Variants in LRRC37A2 observed in about 807,000 individuals in gnomAD.
LRRC37A2 encodes the protein leucine-rich repeat-containing protein 37A2.
In LRRC37A2, 9 loss-of-function variants were observed where a neutral mutation model predicts 68.8. That is an observed-to-expected ratio of 0.13 (90% CI 0.08 to 0.23). The LOEUF (loss-of-function observed/expected upper bound fraction) is 0.23. Ranked by LOEUF, LRRC37A2 falls within the 10% of genes least tolerant of loss-of-function variation. LRRC37A2 has a pLI of 1.00. For synonymous variants in LRRC37A2, 63 were observed against 367.6 expected (o/e 0.17, Z 9.48); for missense variants, 168 against 950.4 (o/e 0.18, Z 10.82).
At chr17:46,916,435 G>C in the LRRC37A2 span, among the ~76,000 whole-genome samples, 1 of 152,166 alleles carries the variant, frequency 6.6e-6, no homozygotes, top group Non-Finnish European at 1.5e-5. Flanking sequence ...TCACCTTCTA[G>C]GAATTCAGTG....
the LRRC37A2 span, chr17:46,763,469 GA>G: frequency 6.6e-6 from 1 of 152,224 alleles, no homozygotes; most frequent in Admixed American, 6.5e-5. Context: ...AGAGCTGGGG[GA>G]AAGAACTCTG....
the LRRC37A2 span, chr17:46,728,969 A>G: frequency 6.5e-5 from 85 of 1,307,382 alleles, no homozygotes; most frequent in Non-Finnish European, 8.7e-5. Flanking sequence ...ATATTTTAAC[A>G]AAGAGTTTTT....
the LRRC37A2 span, among the ~76,000 whole-genome samples, chr17:46,852,056 C>T: frequency 6.6e-6 from 1 of 152,364 alleles, no homozygotes; most frequent in South Asian, 2.1e-4. Context: ...GTCAGTCCCG[C>T]TCTCTGATGC....
chr17:46,976,790 C>T, the LRRC37A2 span, among the ~76,000 whole-genome samples: 1 of 152,174 alleles, frequency 6.6e-6, no homozygotes, highest in Non-Finnish European at 1.5e-5. Context: ...CTGAGGGCAG[C>T]CCAGACTCCA....
the LRRC37A2 span, among the ~76,000 whole-genome samples, chr17:46,710,267 T>C: frequency 1.3e-5 from 2 of 152,238 alleles, no homozygotes; most frequent in East Asian, 1.9e-4. Flanking sequence ...TTGACTACTT[T>C]TGGCAGCTGT....
At chr17:46,850,598 T>C in the LRRC37A2 span, among the ~76,000 whole-genome samples, 1 of 152,228 alleles carries the variant, frequency 6.6e-6, no homozygotes, top group Non-Finnish European at 1.5e-5. Context: ...TTGTTTTGCT[T>C]GATTTGACCC....
At chr17:46,982,351 A>C in the LRRC37A2 span, among the ~76,000 whole-genome samples, 7 of 152,296 alleles carry the variant, frequency 4.6e-5, no homozygotes, top group South Asian at 1.0e-3. Context: ...GCCTGATGTA[A>C]AGGAAAGGGG....
chr17:46,994,385 C>CA, the LRRC37A2 span, among the ~76,000 whole-genome samples: 28,737 of 137,428 alleles, frequency 0.21, 3,820 homozygotes, highest in East Asian at 0.6. Flanking sequence ...AACTCCATCT[C>CA]AAAAAAAAAG....
the LRRC37A2 span, among the ~76,000 whole-genome samples, chr17:46,491,044 G>A: frequency 6.6e-6 from 1 of 150,586 alleles, no homozygotes; most frequent in African/African-American, 2.5e-5. Flanking sequence ...ACAGGTGCTC[G>A]CTGCCACACC....
chr17:46,866,902 G>T, the LRRC37A2 span, among the ~76,000 whole-genome samples: 1 of 152,164 alleles, frequency 6.6e-6, no homozygotes, highest in Admixed American at 6.5e-5. Flanking sequence ...TAGGTGATGA[G>T]AAAAGCTCTC....
chr17:46,545,077 G>A (rs1486477018), intron 8 of LRRC37A2, among the ~76,000 whole-genome samples: 1 of 135,402 alleles, frequency 7.4e-6, no homozygotes, highest in Non-Finnish European at 1.6e-5. Flanking sequence ...CCTCGTAACC[G>A]CAGATGGCCT....
chr17:46,790,331 G>T, the LRRC37A2 span, among the ~76,000 whole-genome samples: 1 of 152,134 alleles, frequency 6.6e-6, no homozygotes, highest in Admixed American at 6.5e-5. Context: ...TGGGCCATTG[G>T]TTCTCATCCC....
the LRRC37A2 span, among the ~76,000 whole-genome samples, chr17:46,467,657 C>T: frequency 2.0e-5 from 2 of 101,640 alleles, 1 homozygote; most frequent in Non-Finnish European, 4.3e-5. Context: ...TCAGTTATAC[C>T]TTTCTCACAT....
chr17:47,019,541 G>A, the LRRC37A2 span: 2 of 1,503,756 alleles, frequency 1.3e-6, no homozygotes. Context: ...TTCAGACTCT[G>A]CATCGAAAAC....
chr17:46,987,882 T>C, the LRRC37A2 span, among the ~76,000 whole-genome samples: 1 of 152,226 alleles, frequency 6.6e-6, no homozygotes. Flanking sequence ...TCAGAAACAT[T>C]ACGTTAAGTC....
chr17:46,869,085 G>A, the LRRC37A2 span, among the ~76,000 whole-genome samples: 7 of 152,302 alleles, frequency 4.6e-5, no homozygotes, highest in African/African-American at 1.4e-4. Context: ...TGGGGTTCCC[G>A]AGGCAGTGCC....
At chr17:46,887,174 C>G in the LRRC37A2 span, among the ~76,000 whole-genome samples, 1 of 152,174 alleles carries the variant, frequency 6.6e-6, no homozygotes, top group Non-Finnish European at 1.5e-5. Context: ...CAGGATTGGG[C>G]AGGCACTAAC....
chr17:46,881,525 G>A, the LRRC37A2 span, among the ~76,000 whole-genome samples: 1 of 152,154 alleles, frequency 6.6e-6, no homozygotes, highest in African/African-American at 2.4e-5. Flanking sequence ...GCTAGCAAGC[G>A]GATCCAGGCC....
At chr17:46,979,767 T>A in the LRRC37A2 span, among the ~76,000 whole-genome samples, 17 of 141,446 alleles carry the variant, frequency 1.2e-4, no homozygotes, top group Non-Finnish European at 1.2e-4. Context: ...ACTTTTTTTT[T>A]AAATTAAAAA....
Sources: allele counts gnomAD v4.1 joint callset (sites outside exome capture counted in the v4.1 genomes callset), GRCh38; gene constraint gnomAD v4.1.1; transcripts MANE v1.5; gene names NCBI Gene and HGNC (gene_info 2026-07-23, HGNC 2026-07-21).